Variants in RAPGEF3 observed in about 807,000 individuals in gnomAD.
RAPGEF3 encodes the protein 9330170P05Rik.
In RAPGEF3, 103 loss-of-function variants were observed where a neutral mutation model predicts 129.8. The observed-to-expected ratio is 0.79, with a 90% confidence interval of 0.68 to 0.93. The LOEUF (loss-of-function observed/expected upper bound fraction) is 0.93. Ranked by LOEUF, RAPGEF3 falls within the 40% of genes least tolerant of loss-of-function variation. The probability of loss-of-function intolerance (pLI) is 0.00; values close to 1 mark genes in which losing one functional copy is unlikely to be tolerated. For synonymous variants in RAPGEF3, 436 were observed against 482.6 expected (o/e 0.90, Z 1.26); for missense variants, 1,117 against 1,207.4 (o/e 0.93, Z 1.11).
rs1565754200 is a variant in RAPGEF3 at position 47,743,696 on chromosome 12, G to C, written c.1679-20C>G. 1 of 1,597,012 alleles carries C rather than the reference G, an allele frequency of 6.3e-7. No homozygotes were observed. Among genetic ancestry groups the C allele is most frequent in the East Asian group, 2.3e-5 (1 of 44,406 alleles). On this transcript the variant is annotated intron_variant, in intron 17 of 27. Transcript: ENST00000449771. ...AGGGGACTGAAGAGGAGACCAGACT[G>C]AGCTGTGGGAAGGGCTGCCTGATCT...
rs940966561 is a variant in RAPGEF3, at chr12:47,741,008, C to T, written c.1956G>A (p.Val652=). ...CCAGGTCCAGCCCCTCAGCAGAGCC[C>T]ACAGTGGGCCCCAGCTGGTCAGGGT... The part of the protein sequence containing the change: ...IPHPDQLGPT[V]GSAEGLDLVS... Residue 652 remains valine, a synonymous_variant, in exon 20 of 28, where the codon GTG becomes GTA. Transcript: ENST00000449771. 7.4e-6 allele frequency: 12 copies of T among 1,612,956 alleles called. No homozygotes were observed. The highest frequency in any genetic ancestry group is 1.0e-5 in the Non-Finnish European group (12 of 1,179,648).
Position 47,757,974 on chromosome 12 carries a change from C to T in RAPGEF3, c.111G>A (p.Glu37=), listed in dbSNP as rs1383791673. Residue 37 remains glutamate (E), a synonymous_variant, in exon 2 of 28, where the codon GAG becomes GAA. Transcript: ENST00000449771. ...TCAACACCATGTTGAGTAGTGTCCCCTCCGGCACCACGTCAGGGAGGGCTC... is the reference window on the plus strand; with the variant it reads ...TCAACACCATGTTGAGTAGTGTCCCTTCCGGCACCACGTCAGGGAGGGCTC... The part of the protein sequence containing the change: ...RVGALPDVVP[E]GTLLNMVLRR... The T allele has an allele frequency of 6.4e-7, 1 of 1,565,636 alleles. No homozygotes were observed. The highest frequency in any genetic ancestry group is 8.7e-7 in the Non-Finnish European group (1 of 1,154,662).
rs1941069993 is a variant in RAPGEF3 at position 47,740,314 on chromosome 12, G to A, written c.2313C>T (p.His771=). 6.2e-7 allele frequency: 1 copy of A among 1,614,130 alleles called. No individual in the cohort carries two copies. The highest frequency in any genetic ancestry group is 8.5e-7 in the Non-Finnish European group (1 of 1,179,986). The stretch of plus-strand genomic sequence containing the variant: ...TCCAGACCACACTTACCTCCCAGGT[G>A]TGGGCTAGGCGGCTGATGGCCGAGT... The part of the protein sequence containing the change: ...LSNSAISRLA[H]TWERLPHKVR... The change falls in exon 22 of 28, where the codon CAC becomes CAT. Residue 771 remains histidine, a synonymous_variant. Transcript: ENST00000449771.
In RAPGEF3 at chr12:47,743,612, G is replaced by A. The variant is rs746692978; in HGVS notation, c.1743C>T (p.Ser581=). Residue 581 remains serine (S), a synonymous_variant, in exon 18 of 28, where the codon TCC becomes TCT. Coordinates refer to ENST00000449771, the MANE Select transcript of RAPGEF3 (RefSeq NM_001098531.4). ...VLTLQLPVTA[S]VREVMAALAQ... is the part of the protein sequence containing the mutation. The stretch of plus-strand genomic sequence containing the variant: ...CCAACGCTGCCATCACCTCTCTCAC[G>A]GAGGCTGTCACAGGCAGCTGCAGGG... The A allele has an allele frequency of 2.2e-5, 36 of 1,613,918 alleles. No individual in the cohort carries two copies. The highest frequency in any genetic ancestry group is 2.0e-4 in the African/African-American group (15 of 74,926).
intron 6 of RAPGEF3, among the ~76,000 whole-genome samples, chr12:47,750,705 A>G (rs1941691527): frequency 6.6e-6 from 1 of 152,254 alleles, no homozygotes; most frequent in African/African-American, 2.4e-5. Flanking sequence ...GCCAGTAGCC[A>G]GTCCAGCTGG....
At chr12:47,743,739 G>A in intron 17 of RAPGEF3, 63 bp from the exon 18 acceptor site, 1 of 1,569,054 alleles carries the variant, frequency 6.4e-7, no homozygotes, top group Non-Finnish European at 8.7e-7. Context: ...AGGAGGGAGA[G>A]GGCGGCTATT....
chr12:47,748,747 CAG>C (rs1941576747), intron 11 of RAPGEF3, 70 bp downstream of exon 11: 2 of 1,253,994 alleles, frequency 1.6e-6, no homozygotes, highest in South Asian at 1.2e-5. Context: ...GGATATGACA[CAG>C]GGGAAGGGAG....
At position 47,734,858 on chromosome 12, in the gene RAPGEF3, C is replaced by T. The variant is rs926627953; in HGVS notation, c.*2709G>A. 8.5e-5 allele frequency: 13 copies of T among 152,302 alleles called. No homozygotes were observed. Among genetic ancestry groups the T allele is most frequent in the African/African-American group, 2.9e-4 (12 of 41,464 alleles). 9.4% of individuals were successfully genotyped at this position (152,302 alleles called of 1,614,324 possible). On this transcript the variant is annotated 3_prime_UTR_variant, in exon 28 of 28. Transcript: ENST00000449771. ...GTGCCGGATCTCAGGCTCTGCCTTCCTTTTGTTCGGATGGAGCCTGAGAGA... is the reference window on the plus strand; with the variant it reads ...GTGCCGGATCTCAGGCTCTGCCTTCTTTTTGTTCGGATGGAGCCTGAGAGA...
chr12:47,741,049 G>T lies in RAPGEF3; in HGVS notation c.1924-9C>A, dbSNP rs749646401. ...TGGTCAGGGTGTGGGATCTGCGGGT[G>T]GGAGAGTGCTCAGGGGGCTGCCTGA... On this transcript the variant is annotated splice_polypyrimidine_tract_variant and intron_variant, in intron 19 of 27. Transcript: ENST00000449771. The T allele has an allele frequency of 6.2e-7, 1 of 1,611,800 alleles. No homozygotes were observed.
Position 47,741,496 on chromosome 12 carries a change from G to A in RAPGEF3, c.1923+9C>T. ...CTCCCTGGGCCCTGGCACCCTGCCT[G>A]GTCCCTACCAGCTCATGCACTTCCT... On this transcript the variant is annotated intron_variant, in intron 19 of 27. Transcript: ENST00000449771. The A allele has an allele frequency of 3.1e-6, 5 of 1,612,102 alleles. No homozygotes were observed. Among genetic ancestry groups the A allele is most frequent in the Non-Finnish European group, 4.2e-6 (5 of 1,178,198 alleles).
intron 7 of RAPGEF3, 31 bp from the exon 8 acceptor site, chr12:47,750,021 G>A (rs1453851627): frequency 5.6e-6 from 9 of 1,613,556 alleles, no homozygotes; most frequent in East Asian, 2.2e-5. Flanking sequence ...AGTCGGTGGC[G>A]ACAAGTTCAT....
At chr12:47,750,974 A>G in intron 6 of RAPGEF3, 74 bp downstream of exon 6, 1 of 1,541,072 alleles carries the variant, frequency 6.5e-7, no homozygotes. Flanking sequence ...GCCCCCAGAG[A>G]TCAATCTGAG....
In RAPGEF3 at chr12:47,737,065, G is replaced by A. The variant is rs747813286; in HGVS notation, c.*502C>T. The stretch of plus-strand genomic sequence containing the variant: ...TCCTCAGGGACCACCGCACAGGCCC[G>A]CAGCCCCACTGCCTGCTGTTGGAAG... On this transcript the variant is annotated 3_prime_UTR_variant, in exon 28 of 28. Transcript: ENST00000449771. 14 of 169,344 alleles carry A rather than the reference G, an allele frequency of 8.3e-5. No homozygotes were observed. Among genetic ancestry groups the A allele is most frequent in the African/African-American group, 2.4e-4 (10 of 41,730 alleles). 10.5% of individuals were successfully genotyped at this position (169,344 alleles called of 1,614,324 possible).
chr12:47,735,435 C>A lies in RAPGEF3; in HGVS notation c.*2132G>T. 6.6e-6 allele frequency: 1 copy of A among 152,430 alleles called. No homozygotes were observed. 9.4% of individuals were successfully genotyped at this position (152,430 alleles called of 1,614,324 possible). On this transcript the variant is annotated 3_prime_UTR_variant, in exon 28 of 28. Transcript: ENST00000449771. ...ATGGAGCCTTTCCCCGCTTTTGGGC[C>A]TCCTGTCCTCTGGGAGTGGCCTGGC... is the stretch of plus-strand genomic sequence containing the variant.
Position 47,749,207 on chromosome 12 carries a change from G to A in RAPGEF3, c.1041+183C>T. 1 of 754,582 alleles carries A rather than the reference G, an allele frequency of 1.3e-6. No homozygotes were observed. Among genetic ancestry groups the A allele is most frequent in the Non-Finnish European group, 2.2e-6 (1 of 457,016 alleles). 46.7% of individuals were successfully genotyped at this position (754,582 alleles called of 1,614,324 possible). ...TCACTGGTCTCACTGAACTCCTTCT[G>A]TGCCTTATGGGCTTCACCTTCTCAC... On this transcript the variant is annotated intron_variant, in intron 10 of 27. Coordinates refer to ENST00000449771, the MANE Select transcript of RAPGEF3 (RefSeq NM_001098531.4). The surrounding 1 kb of genome is among the most constrained non-coding windows in gnomAD (Gnocchi z 4.5).
intron 24 of RAPGEF3, 59 bp downstream of exon 24, chr12:47,739,084 A>T: frequency 7.5e-7 from 1 of 1,329,290 alleles, no homozygotes; most frequent in Non-Finnish European, 1.1e-6. Context: ...GGAAGGGGGA[A>T]ATGGGGGATG....
rs77461532 is a variant in RAPGEF3, at chr12:47,757,094, G to A, written c.219+772C>T. ...GGATTGCTTGGGCCTAGGAGTTCAAGACCTACCTAGGCAACATAGCGAAAC... is the reference window on the plus strand; with the variant it reads ...GGATTGCTTGGGCCTAGGAGTTCAAAACCTACCTAGGCAACATAGCGAAAC... On this transcript the variant is annotated intron_variant, in intron 2 of 27. Coordinates refer to ENST00000449771, the MANE Select transcript of RAPGEF3 (RefSeq NM_001098531.4). Among the ~76,000 whole-genome samples, 1,139 of 152,308 alleles carry A rather than the reference G, an allele frequency of 7.5e-3. 14 individuals are homozygous for A. The highest frequency in any genetic ancestry group is 0.026 in the African/African-American group (1,070 of 41,558).
chr12:47,743,274 C>T (rs1042410959), intron 18 of RAPGEF3, among the ~76,000 whole-genome samples: 1 of 152,196 alleles, frequency 6.6e-6, no homozygotes, highest in Non-Finnish European at 1.5e-5. Flanking sequence ...GATGAAGTAC[C>T]CTGCCAGAGG....
chr12:47,739,456 G>T (rs1472137272), intron 23 of RAPGEF3: 1 of 694,950 alleles, frequency 1.4e-6, no homozygotes, highest in African/African-American at 1.8e-5. Flanking sequence ...AGGGGCCCCA[G>T]GTTTCTTGGA....
Sources: allele counts gnomAD v4.1 joint callset (sites outside exome capture counted in the v4.1 genomes callset), GRCh38; gene constraint gnomAD v4.1.1; non-coding constraint Gnocchi (gnomAD v3.1); transcripts MANE v1.5; gene names NCBI Gene and HGNC (gene_info 2026-07-23, HGNC 2026-07-21).